SORCS2: variants seen among roughly 807,000 people sequenced by gnomAD.
SORCS2 encodes VPS10 domain-containing receptor SorCS2.
Under a neutral mutation model 141.6 loss-of-function variants are expected in SORCS2, and 100 were observed. That is an observed-to-expected ratio of 0.71 (90% CI 0.60 to 0.83). SORCS2 has a LOEUF of 0.83. Among genes scored for constraint, SORCS2 ranks in the 40% least tolerant of loss-of-function variants. The pLI, the probability that SORCS2 is intolerant of heterozygous loss-of-function variation, is 0.00. For synonymous variants in SORCS2, 789 were observed against 676.9 expected, an observed-to-expected ratio of 1.17 and a Z score of -2.57; for missense variants, 1,646 against 1,560.2, an observed-to-expected ratio of 1.05 and a Z score of -0.93.
intron 1 of SORCS2, among the ~76,000 whole-genome samples, chr4:7,294,352 G>A (rs1235709395): frequency 6.6e-6 from 1 of 152,126 alleles, no homozygotes; most frequent in Admixed American, 6.5e-5. Context: ...CCAGGACGGG[G>A]CTAGGTGGTG....
chr4:7,597,010 G>A (rs964052201), intron 3 of SORCS2, among the ~76,000 whole-genome samples: 1 of 152,052 alleles, frequency 6.6e-6, no homozygotes, highest in East Asian at 1.9e-4. Flanking sequence ...TTGTGCAATC[G>A]TGAAAGTGCC....
chr4:7,403,505 A>C lies in SORCS2; in HGVS notation c.548+7150A>C, dbSNP rs370034666. On this transcript the variant is annotated intron_variant, in intron 2 of 26. Transcript: ENST00000507866. The stretch of plus-strand genomic sequence containing the variant: ...CAGTTTGAGGAGGTTGGTGGGGTGG[A>C]GGGAAGGGAATGCTTCCTGAATGGT... 8.3e-4 allele frequency among the ~76,000 whole-genome samples: 127 copies of C among 152,208 alleles called. 1 individual carries two copies. Among genetic ancestry groups the C allele is most frequent in the African/African-American group, 2.9e-3 (122 of 41,538 alleles).
intron 2 of SORCS2, chr4:7,433,335 G>A: frequency 1.4e-6 from 2 of 1,421,490 alleles, no homozygotes; most frequent in Non-Finnish European, 1.8e-6. Context: ...CCCCAGCGTG[G>A]AGGTGCATCT....
chr4:7,404,553 G>A (rs1724847802), intron 2 of SORCS2, among the ~76,000 whole-genome samples: 1 of 152,114 alleles, frequency 6.6e-6, no homozygotes, highest in Admixed American at 6.5e-5. Flanking sequence ...TCTGACTGGT[G>A]TAAGATGATA....
intron 15 of SORCS2, among the ~76,000 whole-genome samples, chr4:7,713,399 T>C (rs1382852785): frequency 6.6e-6 from 1 of 150,686 alleles, no homozygotes; most frequent in African/African-American, 2.4e-5. Context: ...CTGGAACTGC[T>C]CGGGGGTGGG....
chr4:7,653,868 ACCT>A (rs1188714320), intron 4 of SORCS2, among the ~76,000 whole-genome samples: 1 of 151,904 alleles, frequency 6.6e-6, no homozygotes, highest in African/African-American at 2.4e-5. Context: ...GCTCAGACAC[ACCT>A]CCTCTGTGAG....
intron 11 of SORCS2, 79 bp from the exon 12 acceptor site, chr4:7,697,119 T>G (rs1577086480): frequency 7.7e-7 from 1 of 1,297,210 alleles, no homozygotes; most frequent in Non-Finnish European, 1.1e-6. Flanking sequence ...TTGCTTGAGG[T>G]TTTTCCATGC....
intron 1 of SORCS2, among the ~76,000 whole-genome samples, chr4:7,381,329 A>C (rs530792334): frequency 2.6e-5 from 4 of 152,290 alleles, no homozygotes; most frequent in African/African-American, 9.6e-5. Context: ...CACACGGAGC[A>C]CAGAGCTGGA....
chr4:7,421,608 G>GC (rs1251508528), intron 2 of SORCS2, among the ~76,000 whole-genome samples: 1 of 147,370 alleles, frequency 6.8e-6, no homozygotes, highest in Non-Finnish European at 1.5e-5. Flanking sequence ...TGAGGTTCTT[G>GC]CCCCCCATAA....
At chr4:7,390,452 T>C (rs1050005578) in intron 1 of SORCS2, among the ~76,000 whole-genome samples, 1 of 152,240 alleles carries the variant, frequency 6.6e-6, no homozygotes, top group African/African-American at 2.4e-5. Context: ...CGAGTGCTCC[T>C]GAAGAGCAAA....
chr4:7,278,719 A>T (rs972352917), intron 1 of SORCS2, among the ~76,000 whole-genome samples: 1 of 152,244 alleles, frequency 6.6e-6, no homozygotes, highest in Non-Finnish European at 1.5e-5. Context: ...GACATCCAGC[A>T]CAGAGAGCAG....
rs537895361 is a variant in SORCS2, at chr4:7,233,287, A to G, written c.480+40161A>G. Among the ~76,000 whole-genome samples, 4 of 152,280 alleles carry G rather than the reference A, an allele frequency of 2.6e-5. No individual in the cohort carries two copies. The highest frequency in any genetic ancestry group is 9.6e-5 in the African/African-American group (4 of 41,568). On this transcript the variant is annotated intron_variant, in intron 1 of 26. Coordinates refer to ENST00000507866, the MANE Select transcript of SORCS2 (RefSeq NM_020777.3). The surrounding 1 kb of genome is among the most constrained non-coding windows in gnomAD (Gnocchi z 4.5). ...GGGACCCAGACACCAACTGTGGACT[A>G]TGCCTGCAGAAGCCACGGTGGGGAC...
At chr4:7,510,246 C>G (rs1457269836) in intron 2 of SORCS2, among the ~76,000 whole-genome samples, 1 of 152,234 alleles carries the variant, frequency 6.6e-6, no homozygotes, top group Non-Finnish European at 1.5e-5. Flanking sequence ...GCTGAGGCTC[C>G]CTCCGCTGAG....
intron 2 of SORCS2, among the ~76,000 whole-genome samples, chr4:7,515,721 G>A (rs539441436): frequency 3.9e-5 from 6 of 152,274 alleles, no homozygotes; most frequent in Middle Eastern, 3.4e-3. Context: ...GTGGGGGTGG[G>A]GCTCAGTCTG....
chr4:7,691,455 G>A (rs898867865), intron 11 of SORCS2, among the ~76,000 whole-genome samples: 2 of 152,144 alleles, frequency 1.3e-5, no homozygotes, highest in Admixed American at 6.5e-5. Context: ...TGGGTCTGAC[G>A]GCAGAGACCT....
At chr4:7,721,688 T>G (rs1726597913) in intron 18 of SORCS2, among the ~76,000 whole-genome samples, 1 of 152,198 alleles carries the variant, frequency 6.6e-6, no homozygotes, top group African/African-American at 2.4e-5. Context: ...GAAGTGGGTG[T>G]GTCTGCAAAG....
intron 1 of SORCS2, among the ~76,000 whole-genome samples, chr4:7,215,590 T>G (rs2108751858): frequency 6.6e-6 from 1 of 152,380 alleles, no homozygotes; most frequent in East Asian, 1.9e-4. Context: ...CCAGCTGGGC[T>G]CCTGAGTCTG....
intron 2 of SORCS2, among the ~76,000 whole-genome samples, chr4:7,453,374 G>T (rs1024061524): frequency 1.1e-4 from 16 of 139,508 alleles, no homozygotes; most frequent in Non-Finnish European, 1.1e-4. Flanking sequence ...CTGTGTGTTG[G>T]GGTCAGGCAC....
At chr4:7,427,657 G>T (rs754526515) in intron 2 of SORCS2, among the ~76,000 whole-genome samples, 6 of 152,080 alleles carry the variant, frequency 3.9e-5, no homozygotes, top group Non-Finnish European at 7.4e-5. Flanking sequence ...GATCTGCTTC[G>T]TGTGAGACTC....
Sources: gnomAD v4.1 joint callset for allele counts (sites outside exome capture counted in the v4.1 genomes callset) on GRCh38, gnomAD v4.1.1 for gene constraint, Gnocchi (gnomAD v3.1) non-coding constraint, MANE v1.5 for transcripts, NCBI Gene and HGNC (gene_info 2026-07-23, HGNC 2026-07-21) for gene names.